Variants in COMMD10 observed in about 807,000 individuals in gnomAD.
The protein encoded by COMMD10 is COMM domain-containing protein 10.
In COMMD10, 33 loss-of-function variants were observed where a neutral mutation model predicts 28.9. The observed-to-expected ratio is 1.14, with a 90% CI of 0.87 to 1.53. COMMD10 has a LOEUF of 1.53. Among genes scored for constraint, COMMD10 ranks in the 40% most tolerant of loss-of-function variants. The probability of loss-of-function intolerance (pLI) is 0.00; values close to 1 mark genes in which losing one functional copy is unlikely to be tolerated. For missense variants in COMMD10, 310 were observed against 233.4 expected (o/e 1.33, Z -2.14); for synonymous variants, 110 against 81.7 (o/e 1.35, Z -1.87).
At chr5:116,234,114 G>T (rs1439054073) in intron 5 of COMMD10, among the ~76,000 whole-genome samples, 1 of 152,188 alleles carries the variant, frequency 6.6e-6, no homozygotes, top group African/African-American at 2.4e-5. Flanking sequence ...CACTGGCATT[G>T]TAGGTAGAAA....
intron 5 of COMMD10, among the ~76,000 whole-genome samples, chr5:116,242,867 G>T (rs539727578): frequency 2.6e-5 from 4 of 152,060 alleles, no homozygotes; most frequent in African/African-American, 9.7e-5. Flanking sequence ...ATAATCGTTG[G>T]ATAGGCTTCA....
intron 5 of COMMD10, among the ~76,000 whole-genome samples, chr5:116,175,946 T>C (rs1753495082): frequency 6.6e-6 from 1 of 152,062 alleles, no homozygotes; most frequent in Non-Finnish European, 1.5e-5. Flanking sequence ...TGGAGATGGA[T>C]GGTGGTGATG....
At chr5:116,092,428 G>T in intron 3 of COMMD10, 117 bp from the exon 4 acceptor site, 1 of 612,394 alleles carries the variant, frequency 1.6e-6, no homozygotes, top group Non-Finnish European at 2.6e-6. Flanking sequence ...GTTGGTAATA[G>T]GACTATGAAG....
Position 116,112,813 on chromosome 5 carries a change from T to G in COMMD10, c.399+20113T>G, listed in dbSNP as rs937447512. ...CCTGTCATATTGTTTTTTTCATCAT[T>G]TTGTAAACTTTTGGGTTTTTTGTCT... is the stretch of plus-strand genomic sequence containing the variant. On this transcript the variant is annotated intron_variant, in intron 4 of 6. Transcript: ENST00000274458. Among the ~76,000 whole-genome samples, 4 of 152,234 alleles carry G rather than the reference T, an allele frequency of 2.6e-5. 1 individual carries two copies. The South Asian group carries it at 8.3e-4, about 31-fold the overall frequency.
intron 5 of COMMD10, among the ~76,000 whole-genome samples, chr5:116,181,911 T>G (rs1419393065): frequency 1.3e-5 from 2 of 152,096 alleles, no homozygotes; most frequent in Non-Finnish European, 2.9e-5. Context: ...TATTTCGAGC[T>G]GGAGATAAAG....
chr5:116,274,615 T>C (rs563559003), intron 5 of COMMD10, among the ~76,000 whole-genome samples: 1 of 151,976 alleles, frequency 6.6e-6, no homozygotes, highest in East Asian at 1.9e-4. Flanking sequence ...CTTTTGCCAA[T>C]ATCAGTAACA....
rs117979286 is a variant in COMMD10 at position 116,178,459 on chromosome 5, C to T, written c.510+44281C>T. ...TATTATAAAGTTACTATCAAATTAA[C>T]GGATAATAAAGTACAATAAAATCCC... On this transcript the variant is annotated intron_variant, in intron 5 of 6. Transcript: ENST00000274458. Among the ~76,000 whole-genome samples the T allele has an allele frequency of 4.5e-3, 681 of 152,058 alleles. 28 individuals carry two copies. In the East Asian group the frequency reaches 0.11, roughly 24 times the overall value.
chr5:116,150,056 T>G (rs1235893486), intron 5 of COMMD10, among the ~76,000 whole-genome samples: 12 of 152,124 alleles, frequency 7.9e-5, no homozygotes, highest in Admixed American at 2.6e-4. Context: ...AAGGGATCCA[T>G]TTTCAGCTTT....
chr5:116,175,746 T>A (rs1041623173), intron 5 of COMMD10, among the ~76,000 whole-genome samples: 1 of 152,152 alleles, frequency 6.6e-6, no homozygotes, highest in Non-Finnish European at 1.5e-5. Flanking sequence ...CTTGAAGACA[T>A]TCAGCTAAGT....
chr5:116,161,630 G>A (rs1013959190), intron 5 of COMMD10, among the ~76,000 whole-genome samples: 1 of 152,038 alleles, frequency 6.6e-6, no homozygotes, highest in Non-Finnish European at 1.5e-5. Context: ...TTAGAGAAAA[G>A]AAAATGTTAT....
chr5:116,163,604 T>C (rs900964578), intron 5 of COMMD10, among the ~76,000 whole-genome samples: 4 of 151,656 alleles, frequency 2.6e-5, no homozygotes, highest in Non-Finnish European at 4.4e-5. Context: ...AAAATAAAAA[T>C]AAAATAAAAT....
At chr5:116,145,027 T>A (rs1019220750) in intron 5 of COMMD10, among the ~76,000 whole-genome samples, 1 of 151,878 alleles carries the variant, frequency 6.6e-6, no homozygotes, top group Non-Finnish European at 1.5e-5. Context: ...ACATTTCACT[T>A]GTCTTCATAG....
chr5:116,190,680 T>C (rs928422324), intron 5 of COMMD10, among the ~76,000 whole-genome samples: 1 of 152,220 alleles, frequency 6.6e-6, no homozygotes, highest in Admixed American at 6.5e-5. Context: ...ATACCTCTTA[T>C]TTATGTTTTA....
intron 5 of COMMD10, among the ~76,000 whole-genome samples, chr5:116,189,423 C>CT (rs1181756655): frequency 6.6e-6 from 1 of 152,076 alleles, no homozygotes; most frequent in East Asian, 1.9e-4. Flanking sequence ...CCTAGGCTGT[C>CT]TTTTTTCCAG....
At chr5:116,153,581 G>C (rs1418087196) in intron 5 of COMMD10, among the ~76,000 whole-genome samples, 1 of 152,088 alleles carries the variant, frequency 6.6e-6, no homozygotes, top group East Asian at 1.9e-4. Flanking sequence ...GTATTGTTCT[G>C]TGGGCTTTTA....
chr5:116,195,417 T>A (rs543238973), intron 5 of COMMD10, among the ~76,000 whole-genome samples: 42 of 152,202 alleles, frequency 2.8e-4, no homozygotes, highest in African/African-American at 1.0e-3. Flanking sequence ...CCCTAAGGAC[T>A]CCTCCAGAAA....
chr5:116,282,990 A>G (rs1729008970), intron 5 of COMMD10, among the ~76,000 whole-genome samples: 2 of 152,100 alleles, frequency 1.3e-5, no homozygotes, highest in African/African-American at 4.8e-5. Context: ...GTTTTGTGGG[A>G]ACTAAGCAAG....
rs1173341257 is a variant in COMMD10, at chr5:116,085,064, C to G, written c.12C>G (p.Pro4=). Residue 4 remains proline, a synonymous_variant, in exon 1 of 7, where the codon CCC becomes CCG. Transcript: ENST00000274458. Reference sequence around the variant, plus strand: ...CGAGAAAGCCGAAGATGGCGGTCCCCGCGGCGCTGATCCTACGGGAGAGCC... The same window carrying G: ...CGAGAAAGCCGAAGATGGCGGTCCCGGCGGCGCTGATCCTACGGGAGAGCC... MAV[P]AALILRESPS... is the part of the protein sequence containing the mutation. The G allele has an allele frequency of 6.2e-7, 1 of 1,609,608 alleles. No individual in the cohort carries two copies. The highest frequency in any genetic ancestry group is 8.5e-7 in the Non-Finnish European group (1 of 1,178,952).
chr5:116,245,603 C>G (rs1003622731), intron 5 of COMMD10, among the ~76,000 whole-genome samples: 2 of 152,056 alleles, frequency 1.3e-5, no homozygotes, highest in African/African-American at 2.4e-5. Context: ...AAAATACTGG[C>G]AAAATAAATC....
Sources: gnomAD v4.1 joint callset for allele counts (sites outside exome capture counted in the v4.1 genomes callset) on GRCh38, gnomAD v4.1.1 for gene constraint, MANE v1.5 for transcripts, NCBI Gene and HGNC (gene_info 2026-07-23, HGNC 2026-07-21) for gene names.